CNBD1: variants seen among roughly 807,000 people sequenced by gnomAD.
CNBD1 encodes the protein cyclic nucleotide-binding domain-containing protein 1.
A neutral mutation model predicts 54.4 loss-of-function variants in CNBD1; 71 were observed. That is an observed-to-expected ratio of 1.30 (90% confidence interval 1.08 to 1.59). The LOEUF is 1.59. Among genes scored for constraint, CNBD1 ranks in the 40% most tolerant of loss-of-function variants. The pLI, the probability that CNBD1 is intolerant of heterozygous loss-of-function variation, is 0.00. For synonymous variants in CNBD1, 182 were observed against 170.7 expected, an observed-to-expected ratio of 1.07 and a Z score of -0.51; for missense variants, 659 against 518.0, an observed-to-expected ratio of 1.27 and a Z score of -2.64.
chr8:87,011,180 G>GTTT (rs200701648), intron 4 of CNBD1, among the ~76,000 whole-genome samples: 1 of 128,862 alleles, frequency 7.8e-6, no homozygotes. Flanking sequence ...TTAGAGTTTG[G>GTTT]TTTTTTTTTT....
At chr8:87,378,980 C>T (rs1314990122) in intron 10 of CNBD1, among the ~76,000 whole-genome samples, 3 of 149,318 alleles carry the variant, frequency 2.0e-5, no homozygotes, top group African/African-American at 7.5e-5. Flanking sequence ...TATAGGAATG[C>T]TTGTGATTTT....
At chr8:86,963,565 A>C (rs1807991872) in intron 4 of CNBD1, among the ~76,000 whole-genome samples, 1 of 152,136 alleles carries the variant, frequency 6.6e-6, no homozygotes, top group African/African-American at 2.4e-5. Context: ...CAAGTAGGTG[A>C]AGCTGTGGGG....
At chr8:87,224,093 GT>G (rs1185169062) in intron 5 of CNBD1, among the ~76,000 whole-genome samples, 2 of 151,330 alleles carry the variant, frequency 1.3e-5, no homozygotes, top group Admixed American at 6.6e-5. Context: ...GGGGTTGTTT[GT>G]TTTTTTCTTG....
chr8:87,354,388 C>T (rs958773003), intron 10 of CNBD1, among the ~76,000 whole-genome samples: 5 of 151,784 alleles, frequency 3.3e-5, no homozygotes, highest in Non-Finnish European at 7.4e-5. Context: ...CTTTAATTCT[C>T]TAGGATTTCT....
At chr8:87,239,480 A>G (rs1279694196) in intron 6 of CNBD1, among the ~76,000 whole-genome samples, 1 of 151,990 alleles carries the variant, frequency 6.6e-6, no homozygotes, top group African/African-American at 2.4e-5. Context: ...AAAGGGCTAT[A>G]TTTTTCTTTC....
At chr8:87,380,019 G>T (rs1373164529) in intron 10 of CNBD1, among the ~76,000 whole-genome samples, 1 of 150,948 alleles carries the variant, frequency 6.6e-6, no homozygotes, top group Non-Finnish European at 1.5e-5. Context: ...GGTGCCACTT[G>T]GGAGGTTTTA....
chr8:87,408,529 CT>C (rs1450244955), intron 2 of CNBD1, among the ~76,000 whole-genome samples: 1 of 151,998 alleles, frequency 6.6e-6, no homozygotes, highest in African/African-American at 2.4e-5. Context: ...TTTTTAAGGA[CT>C]TTGGGCTGCT....
intron 4 of CNBD1, among the ~76,000 whole-genome samples, chr8:86,944,556 C>T (rs180682805): frequency 6.6e-6 from 1 of 151,230 alleles, no homozygotes; most frequent in East Asian, 1.9e-4. Flanking sequence ...AACACAAGTG[C>T]AAGAGCCCAG....
chr8:87,361,973 A>G lies in CNBD1; in HGVS notation c.1303+8187A>G, dbSNP rs1296389766. On this transcript the variant is annotated intron_variant, in intron 10 of 10. Transcript: ENST00000518476. ...ACTTCAGACTTATGGAAGCACTGAG[A>G]TGAAACACTTTTAATTCCACTATCC... is the stretch of plus-strand genomic sequence containing the variant. Among the ~76,000 whole-genome samples the G allele has an allele frequency of 2.0e-5, 3 of 152,176 alleles. No homozygotes were observed. The South Asian group carries it at 6.2e-4, about 32-fold the overall frequency.
chr8:86,884,146 C>T (rs146549580), intron 1 of CNBD1, among the ~76,000 whole-genome samples: 3,153 of 150,774 alleles, frequency 0.021, 109 homozygotes, highest in African/African-American at 0.073. Context: ...AGCGAGACTC[C>T]GTCTCAAAAC....
intron 10 of CNBD1, 103 bp downstream of exon 10, chr8:87,353,889 T>G (rs1810361425): frequency 1.3e-6 from 1 of 772,404 alleles, no homozygotes; most frequent in South Asian, 2.2e-5. Flanking sequence ...TTTATTAAAT[T>G]GGGGTTCACC....
chr8:87,182,873 T>C lies in CNBD1; in HGVS notation c.432-23120T>C, dbSNP rs1448839719. ...GCCTATTCAGCTGATAATTTCTTTC[T>C]TTCTTTGTCCTGTGCAGAACCTCTT... On this transcript the variant is annotated intron_variant, in intron 4 of 10. Transcript: ENST00000518476. This position sits in a 1 kb window ranked among gnomAD's most constrained non-coding sequence, Gnocchi z 4.1. Among the ~76,000 whole-genome samples the C allele has an allele frequency of 1.3e-5, 2 of 152,152 alleles. No homozygotes were observed. Among genetic ancestry groups the C allele is most frequent in the Non-Finnish European group, 2.9e-5 (2 of 67,988 alleles).
In CNBD1 at chr8:87,146,898, G is replaced by T. The variant is rs182805713; in HGVS notation, c.432-59095G>T. ...GGTATGTGTATATATATGTATCTATGATTTAAAAATACATTAAAGACACAA... is the reference window on the plus strand; with the variant it reads ...GGTATGTGTATATATATGTATCTATTATTTAAAAATACATTAAAGACACAA... On this transcript the variant is annotated intron_variant, in intron 4 of 10. Coordinates refer to ENST00000518476, the MANE Select transcript of CNBD1 (RefSeq NM_173538.3). Among the ~76,000 whole-genome samples the T allele has an allele frequency of 1.1e-3, 168 of 152,080 alleles. 1 individual carries two copies. Among genetic ancestry groups the T allele is most frequent in the Non-Finnish European group, 1.5e-3 (100 of 67,962 alleles).
At chr8:87,133,037 C>T (rs1331662926) in intron 4 of CNBD1, among the ~76,000 whole-genome samples, 1 of 151,316 alleles carries the variant, frequency 6.6e-6, no homozygotes, top group Non-Finnish European at 1.5e-5. Context: ...ACTTCTAATC[C>T]CTAAAGGATG....
rs535561012 is a variant in CNBD1, at chr8:86,952,505, ATATAT to A, written c.431+12753_431+12757del. ...ATTTTTCAGAAAAATATTTTACCTA[ATATAT>A]TTATCCAATATATATTTGCTGGTCA... On this transcript the variant is annotated intron_variant, in intron 4 of 10. Transcript: ENST00000518476. 1.2e-3 allele frequency among the ~76,000 whole-genome samples: 186 copies of A among 152,160 alleles called. 1 individual carries two copies. The highest frequency in any genetic ancestry group is 4.4e-3 in the African/African-American group (183 of 41,532).
chr8:87,149,865 T>C (rs542842365), intron 4 of CNBD1, among the ~76,000 whole-genome samples: 1 of 151,956 alleles, frequency 6.6e-6, no homozygotes, highest in East Asian at 1.9e-4. Flanking sequence ...AAATAGAAGA[T>C]AATTAATAAG....
intron 2 of CNBD1, among the ~76,000 whole-genome samples, chr8:87,426,271 C>T (rs1808048571): frequency 6.6e-6 from 1 of 152,224 alleles, no homozygotes; most frequent in Non-Finnish European, 1.5e-5. Context: ...GCAGAAATCA[C>T]CCGTCTTCTG....
At chr8:87,207,906 A>T (rs965260544) in intron 5 of CNBD1, among the ~76,000 whole-genome samples, 1 of 152,184 alleles carries the variant, frequency 6.6e-6, no homozygotes, top group Non-Finnish European at 1.5e-5. Context: ...TTTTTAAAGC[A>T]TTTAGTTCCG....
intron 2 of CNBD1, among the ~76,000 whole-genome samples, chr8:87,401,216 A>T (rs528117062): frequency 9.2e-5 from 14 of 152,168 alleles, no homozygotes; most frequent in Non-Finnish European, 1.3e-4. Flanking sequence ...TTTTAAGATA[A>T]CCACATTGAA....
Sources: allele counts gnomAD v4.1 joint callset (sites outside exome capture counted in the v4.1 genomes callset), GRCh38; gene constraint gnomAD v4.1.1; non-coding constraint Gnocchi (gnomAD v3.1); transcripts MANE v1.5; gene names NCBI Gene and HGNC (gene_info 2026-07-23, HGNC 2026-07-21).